Variants in KAT6B observed in about 807,000 individuals in gnomAD.
The protein encoded by KAT6B is lysine acetyltransferase 6B, also known as histone acetyltransferase KAT6B.
A neutral mutation model predicts 187.5 loss-of-function variants in KAT6B; 10 were observed. The ratio of observed to expected loss-of-function variants is 0.05; its 90% CI spans 0.03 to 0.09. The LOEUF is 0.09. Ranked by LOEUF, KAT6B falls within the 10% of genes least tolerant of loss-of-function variation. KAT6B has a pLI of 1.00. For synonymous variants in KAT6B, 861 were observed against 926.8 expected, an observed-to-expected ratio of 0.93 and a Z score of 1.29; for missense variants, 1,952 against 2,558.9, an observed-to-expected ratio of 0.76 and a Z score of 5.12.
chr10:74,968,894 CCT>C (rs1236202446), intron 4 of KAT6B, among the ~76,000 whole-genome samples: 2 of 152,110 alleles, frequency 1.3e-5, no homozygotes, highest in Non-Finnish European at 2.9e-5. Context: ...CTCCAGTTTT[CCT>C]CTGTGAAGTG....
At chr10:74,920,085 C>T (rs940786712) in intron 3 of KAT6B, among the ~76,000 whole-genome samples, 1 of 151,996 alleles carries the variant, frequency 6.6e-6, no homozygotes, top group African/African-American at 2.4e-5. Flanking sequence ...TTTCCTGTGC[C>T]TGATTACATC....
At chr10:74,888,564 T>C (rs893402404) in intron 3 of KAT6B, among the ~76,000 whole-genome samples, 2 of 152,206 alleles carry the variant, frequency 1.3e-5, no homozygotes, top group African/African-American at 4.8e-5. Context: ...TGGCAGAAAT[T>C]AAAGAGAATA....
In KAT6B at chr10:74,975,444, G is replaced by A; in HGVS notation, c.1107G>A (p.Arg369=). 6.2e-7 allele frequency: 1 copy of A among 1,614,056 alleles called. No individual in the cohort carries two copies. Among genetic ancestry groups the A allele is most frequent in the Non-Finnish European group, 8.5e-7 (1 of 1,179,996 alleles). ...GATCCATGAATGCATTCACAGGAAG[G>A]GGGTCACCTGGTAGGGGTCAAAAGA... The part of the protein sequence containing the change: ...DEGSMNAFTG[R]GSPGRGQKTK... Residue 369 remains arginine (R), a synonymous_variant, in exon 8 of 18, where the codon AGG becomes AGA. Coordinates refer to ENST00000287239, the MANE Select transcript of KAT6B (RefSeq NM_012330.4).
chr10:74,902,196 C>T (rs1208890241), intron 3 of KAT6B, among the ~76,000 whole-genome samples: 1 of 152,214 alleles, frequency 6.6e-6, no homozygotes, highest in Non-Finnish European at 1.5e-5. Flanking sequence ...CATCAGTTTG[C>T]AGGGGCTCTT....
intron 3 of KAT6B, among the ~76,000 whole-genome samples, chr10:74,856,770 A>C (rs1306903268): frequency 6.6e-6 from 1 of 152,062 alleles, no homozygotes; most frequent in African/African-American, 2.4e-5. Context: ...GCGTGGTGGC[A>C]TGTGCCTGTA....
At chr10:74,941,225 G>A (rs1250376489) in intron 3 of KAT6B, among the ~76,000 whole-genome samples, 1 of 152,190 alleles carries the variant, frequency 6.6e-6, no homozygotes, top group Non-Finnish European at 1.5e-5. Flanking sequence ...GGCTGAATGA[G>A]CAGATCCTCT....
chr10:74,922,947 C>T (rs1848243173), intron 3 of KAT6B, among the ~76,000 whole-genome samples: 1 of 152,134 alleles, frequency 6.6e-6, no homozygotes, highest in African/African-American at 2.4e-5. Context: ...CGTGGATGGT[C>T]TGGGAATGCC....
At chr10:74,841,877 A>G (rs1331449160) in intron 2 of KAT6B, among the ~76,000 whole-genome samples, 1 of 152,192 alleles carries the variant, frequency 6.6e-6, no homozygotes, top group African/African-American at 2.4e-5. Context: ...TGGTTTTTGT[A>G]TATACCAAGC....
intron 7 of KAT6B, among the ~76,000 whole-genome samples, chr10:74,973,374 A>G (rs1411536715): frequency 6.6e-6 from 1 of 152,200 alleles, no homozygotes; most frequent in Non-Finnish European, 1.5e-5. Context: ...TGTGTAGAGT[A>G]TAGATTTGAC....
At chr10:74,893,717 AC>A (rs1321717543) in intron 3 of KAT6B, among the ~76,000 whole-genome samples, 1 of 151,828 alleles carries the variant, frequency 6.6e-6, no homozygotes, top group Non-Finnish European at 1.5e-5. Flanking sequence ...TGATCTGCCC[AC>A]CTCAGCCTCC....
Position 75,012,851 on chromosome 10 carries a change from T to C in KAT6B, c.2630-7731T>C, listed in dbSNP as rs535551203. ...ACACGGCATCGGGGAGTCACACTCC[T>C]GCCATACATCTTCCACTGTGGGAGT... On this transcript the variant is annotated intron_variant, in intron 13 of 17. Coordinates refer to ENST00000287239, the MANE Select transcript of KAT6B (RefSeq NM_012330.4). 6.6e-5 allele frequency among the ~76,000 whole-genome samples: 10 copies of C among 152,286 alleles called. No homozygotes were observed. The South Asian group carries it at 1.9e-3, about 28-fold the overall frequency.
At chr10:74,967,236 G>A (rs184401812) in intron 4 of KAT6B, among the ~76,000 whole-genome samples, 4 of 151,804 alleles carry the variant, frequency 2.6e-5, no homozygotes, top group South Asian at 2.1e-4. Flanking sequence ...AGGCTGAGGC[G>A]GGAGAATGTC....
intron 3 of KAT6B, among the ~76,000 whole-genome samples, chr10:74,889,225 T>G (rs1845493854): frequency 3.3e-5 from 5 of 152,234 alleles, no homozygotes; most frequent in Admixed American, 3.3e-4. Context: ...TATTCCATTA[T>G]TGTGTAACGA....
At chr10:74,956,321 A>G (rs1485929894) in intron 3 of KAT6B, among the ~76,000 whole-genome samples, 1 of 152,226 alleles carries the variant, frequency 6.6e-6, no homozygotes, top group Non-Finnish European at 1.5e-5. Flanking sequence ...TGGAAGGCAC[A>G]TGATGTCACT....
intron 3 of KAT6B, among the ~76,000 whole-genome samples, chr10:74,916,823 C>T (rs181305885): frequency 3.9e-5 from 6 of 152,262 alleles, no homozygotes; most frequent in Admixed American, 3.9e-4. Context: ...AAACACTGGC[C>T]TGGCACGGTG....
At chr10:74,910,163 T>G (rs1040904263) in intron 3 of KAT6B, among the ~76,000 whole-genome samples, 10 of 148,538 alleles carry the variant, frequency 6.7e-5, no homozygotes, top group Non-Finnish European at 1.0e-4. Context: ...CCAGGCGTGG[T>G]GGCGCATGCC....
At chr10:75,026,898 G>A (rs113429889) in intron 17 of KAT6B, among the ~76,000 whole-genome samples, 9 of 152,256 alleles carry the variant, frequency 5.9e-5, no homozygotes, top group African/African-American at 1.9e-4. Flanking sequence ...CACTTTGGGC[G>A]GCCGAGGTAG....
intron 3 of KAT6B, among the ~76,000 whole-genome samples, chr10:74,879,151 G>A (rs1439875678): frequency 1.3e-5 from 2 of 152,098 alleles, no homozygotes; most frequent in East Asian, 1.9e-4. Context: ...GGTGGGAATC[G>A]GTTTGCATCA....
At chr10:74,930,204 TG>T (rs1211058077) in intron 3 of KAT6B, among the ~76,000 whole-genome samples, 1 of 152,240 alleles carries the variant, frequency 6.6e-6, no homozygotes, top group Non-Finnish European at 1.5e-5. Context: ...ATTATAGCTG[TG>T]AGCCACTGTG....
Sources: allele counts gnomAD v4.1 joint callset (sites outside exome capture counted in the v4.1 genomes callset), GRCh38; gene constraint gnomAD v4.1.1; transcripts MANE v1.5; gene names NCBI Gene and HGNC (gene_info 2026-07-23, HGNC 2026-07-21).